Variants in TLL1 observed in about 807,000 individuals in gnomAD.
TLL1 encodes the protein tolloid like 1, also known as tolloid-like protein 1.
In TLL1, 49 loss-of-function variants were observed where a neutral mutation model predicts 128.2. The observed-to-expected ratio is 0.38, with a 90% CI of 0.30 to 0.48. The LOEUF is 0.48. Ranked by LOEUF, TLL1 falls within the 20% of genes least tolerant of loss-of-function variation. The pLI is 0.96. For synonymous variants in TLL1, 454 were observed against 418.8 expected (o/e 1.08, Z -1.03); for missense variants, 1,123 against 1,242.0 (o/e 0.90, Z 1.44).
chr4:166,016,025 A>T (rs997242441), intron 8 of TLL1, among the ~76,000 whole-genome samples: 1 of 151,990 alleles, frequency 6.6e-6, no homozygotes, highest in African/African-American at 2.4e-5. Flanking sequence ...TTGTGTATAA[A>T]TATATGTCTG....
Position 166,091,305 on chromosome 4 carries a change from G to A in TLL1, c.2620G>A (p.Val874Ile), listed in dbSNP as rs1375654107. The A allele has an allele frequency of 6.2e-7, 1 of 1,612,762 alleles. No homozygotes were observed. The highest frequency in any genetic ancestry group is 2.2e-5 in the East Asian group (1 of 44,716). The change falls in exon 19 of 21, where the codon GTT becomes ATT. Residue 874 changes from valine to isoleucine, a missense_variant. This residue lies in a region of TLL1 where 634 missense variants were observed against 672.4 expected (regional missense o/e 0.94). Coordinates refer to ENST00000061240, the MANE Select transcript of TLL1 (RefSeq NM_012464.5). ...TGTTCGGTTTGTTTCTGATGCATCT[G>A]TTCAAAGAAAAGGCTTTCAAGCTAC... The part of the protein sequence containing the change: ...MFVRFVSDAS[V>I]QRKGFQATHS...
chr4:165,936,097 T>C (rs1399346186), intron 1 of TLL1, among the ~76,000 whole-genome samples: 1 of 151,500 alleles, frequency 6.6e-6, no homozygotes, highest in Non-Finnish European at 1.5e-5. Flanking sequence ...TGAAAAATGA[T>C]GATACTCTAT....
At chr4:165,919,984 G>A (rs1370370088) in intron 1 of TLL1, 1 of 348,544 alleles carries the variant, frequency 2.9e-6, no homozygotes, top group Non-Finnish European at 5.7e-6. Context: ...TTCAGTGATT[G>A]AGGTCTGTAT....
At chr4:165,986,008 C>G (rs980533702) in intron 1 of TLL1, among the ~76,000 whole-genome samples, 1 of 149,876 alleles carries the variant, frequency 6.7e-6, no homozygotes, top group African/African-American at 2.5e-5. Context: ...TCCCAATAAC[C>G]ATTTTCCCAT....
intron 20 of TLL1, among the ~76,000 whole-genome samples, chr4:166,100,067 G>A (rs1000278293): frequency 3.9e-5 from 6 of 152,210 alleles, no homozygotes; most frequent in African/African-American, 9.6e-5. Context: ...GTCAGAAGAC[G>A]TCACCATGAG....
chr4:165,904,286 T>C (rs564651961), intron 1 of TLL1, among the ~76,000 whole-genome samples: 3 of 152,288 alleles, frequency 2.0e-5, no homozygotes, highest in East Asian at 3.9e-4. Flanking sequence ...CCTGGAAAAA[T>C]GCCATGTTTT....
intron 1 of TLL1, among the ~76,000 whole-genome samples, chr4:165,878,520 C>T (rs1730822306): frequency 6.6e-6 from 1 of 152,154 alleles, no homozygotes; most frequent in Non-Finnish European, 1.5e-5. Context: ...TGAGGGCCCA[C>T]ATCCATATTT....
intron 1 of TLL1, among the ~76,000 whole-genome samples, chr4:165,888,054 A>G (rs1455070104): frequency 6.6e-6 from 1 of 152,198 alleles, no homozygotes; most frequent in African/African-American, 2.4e-5. Flanking sequence ...TATTCTTCAT[A>G]TAGGCAATCA....
intron 9 of TLL1, 59 bp downstream of exon 9, chr4:166,025,490 C>A (rs1738455383): frequency 2.3e-6 from 3 of 1,305,004 alleles, no homozygotes; most frequent in Admixed American, 1.7e-5. Context: ...AGTTCATCAT[C>A]CTTCAAATAT....
At chr4:166,080,947 T>G (rs1170832880) in intron 18 of TLL1, among the ~76,000 whole-genome samples, 1 of 152,138 alleles carries the variant, frequency 6.6e-6, no homozygotes. Context: ...ACTTGGTGCT[T>G]GTTAGTCTGG....
intron 1 of TLL1, among the ~76,000 whole-genome samples, chr4:165,968,913 G>T (rs775900781): frequency 4.4e-4 from 67 of 152,110 alleles, no homozygotes; most frequent in Admixed American, 9.2e-4. Flanking sequence ...TTTTATTGCT[G>T]CCTGAGTGGT....
chr4:166,101,465 TA>T lies in TLL1; in HGVS notation c.*591del, dbSNP rs756376305. Reference sequence around the variant, plus strand: ...CATTATTTCCACTTGCAGGCCAGCTTAACCTCTGAAACACAAATGATCTTGA... The same window carrying T: ...CATTATTTCCACTTGCAGGCCAGCTTACCTCTGAAACACAAATGATCTTGA... On this transcript the variant is annotated 3_prime_UTR_variant, in exon 21 of 21. Transcript: ENST00000061240. The T allele has an allele frequency of 3.9e-5, 6 of 154,918 alleles. No individual in the cohort carries two copies. The highest frequency in any genetic ancestry group is 7.1e-5 in the Non-Finnish European group (5 of 70,014). The allele number at this position is 154,918 out of a possible 1,614,324, so 9.6% of individuals were successfully genotyped here. A position where few individuals can be genotyped will look rare whatever the true frequency, so the allele number is the denominator to read the frequency against.
rs1742266952 is a variant in TLL1, at chr4:166,101,130, ACT to A, written c.*257_*258del. 1 of 445,456 alleles carries A rather than the reference ACT, an allele frequency of 2.2e-6. No homozygotes were observed. The highest frequency in any genetic ancestry group is 4.1e-6 in the Non-Finnish European group (1 of 244,138). 27.6% of individuals were successfully genotyped at this position (445,456 alleles called of 1,614,324 possible). ...AAGGGCATCATATACTTCAAGGAAGACTCTACAAGCTTTTGTTCACAGCTTGA... is the reference window on the plus strand; with the variant it reads ...AAGGGCATCATATACTTCAAGGAAGACTACAAGCTTTTGTTCACAGCTTGA... On this transcript the variant is annotated 3_prime_UTR_variant, in exon 21 of 21. Transcript: ENST00000061240.
intron 19 of TLL1, among the ~76,000 whole-genome samples, chr4:166,094,268 T>G (rs772591978): frequency 6.6e-6 from 1 of 152,186 alleles, no homozygotes; most frequent in Non-Finnish European, 1.5e-5. Context: ...TGTCAAAGCC[T>G]GGATTTTATT....
At chr4:166,025,931 T>C (rs28549909) in intron 9 of TLL1, among the ~76,000 whole-genome samples, 8,599 of 151,908 alleles carry the variant, frequency 0.057, 353 homozygotes, top group East Asian at 0.14. Context: ...CTCAAACTAA[T>C]GAGCCTAGAC....
At chr4:166,098,364 G>C (rs1742125875) in intron 19 of TLL1, among the ~76,000 whole-genome samples, 1 of 149,834 alleles carries the variant, frequency 6.7e-6, no homozygotes, top group Admixed American at 6.7e-5. Flanking sequence ...AAGCTTTGGG[G>C]CTCTGACTAC....
chr4:166,015,405 A>G (rs1462828347), intron 8 of TLL1, among the ~76,000 whole-genome samples: 2 of 152,062 alleles, frequency 1.3e-5, no homozygotes, highest in African/African-American at 4.8e-5. Flanking sequence ...ATTGGCTGCA[A>G]ATCTGATAAT....
At chr4:165,936,409 G>A (rs1188063015) in intron 1 of TLL1, among the ~76,000 whole-genome samples, 6 of 150,624 alleles carry the variant, frequency 4.0e-5, no homozygotes, top group Non-Finnish European at 7.4e-5. Flanking sequence ...ACGGAGTTTC[G>A]CCATGTTGGC....
chr4:166,097,973 T>C (rs1742100166), intron 19 of TLL1, among the ~76,000 whole-genome samples: 2 of 152,072 alleles, frequency 1.3e-5, no homozygotes, highest in Admixed American at 1.3e-4. Flanking sequence ...ACCACCATGC[T>C]TGCTTGGATA....
Sources: allele counts gnomAD v4.1 joint callset (sites outside exome capture counted in the v4.1 genomes callset), GRCh38; gene constraint gnomAD v4.1.1; regional missense constraint gnomAD v4.1.1; transcripts MANE v1.5; gene names NCBI Gene and HGNC (gene_info 2026-07-23, HGNC 2026-07-21).